GNAO1: variants seen among roughly 807,000 people sequenced by gnomAD.
The protein encoded by GNAO1 is G protein subunit alpha o1.
For missense variants in GNAO1, 166 were observed against 478.7 expected (o/e 0.35, Z 6.10); for synonymous variants, 164 against 180.7 (o/e 0.91, Z 0.74).
At chr16:56,242,015 G>C (rs1227956816) in intron 2 of GNAO1, among the ~76,000 whole-genome samples, 1 of 152,212 alleles carries the variant, frequency 6.6e-6, no homozygotes, top group African/African-American at 2.4e-5. Context: ...GTTAGGGGGT[G>C]CTGTGTCATT....
At chr16:56,213,570 C>T (rs764970032) in intron 2 of GNAO1, among the ~76,000 whole-genome samples, 2 of 152,040 alleles carry the variant, frequency 1.3e-5, no homozygotes, top group African/African-American at 2.4e-5. Flanking sequence ...GTTTTGAACT[C>T]CTGAGCTTAA....
At chr16:56,262,274 C>A (rs1375396220) in intron 2 of GNAO1, among the ~76,000 whole-genome samples, 2 of 152,190 alleles carry the variant, frequency 1.3e-5, no homozygotes. Context: ...CGCAAGGGAG[C>A]CAGGAGGAAC....
At chr16:56,194,237 G>A in intron 2 of GNAO1, 1 of 456,606 alleles carries the variant, frequency 2.2e-6, no homozygotes, top group South Asian at 1.5e-5. Flanking sequence ...TTAGCTTGGG[G>A]CTTCTCTTGA....
At chr16:56,259,555 C>T (rs2036884095) in intron 2 of GNAO1, among the ~76,000 whole-genome samples, 1 of 152,222 alleles carries the variant, frequency 6.6e-6, no homozygotes, top group Non-Finnish European at 1.5e-5. Context: ...GCAGATGTGA[C>T]TGTGATGGTG....
intron 2 of GNAO1, among the ~76,000 whole-genome samples, chr16:56,238,547 G>A (rs1337489777): frequency 1.3e-5 from 2 of 152,206 alleles, no homozygotes; most frequent in South Asian, 2.1e-4. Context: ...TCCCACTGCT[G>A]CAAGAACATT....
intron 2 of GNAO1, among the ~76,000 whole-genome samples, chr16:56,236,137 G>A (rs1469615784): frequency 6.6e-6 from 1 of 152,236 alleles, no homozygotes; most frequent in East Asian, 1.9e-4. Context: ...CTTTCCTAAA[G>A]ATGATGAACT....
chr16:56,351,799 G>A lies in GNAO1; in HGVS notation c.877+262G>A, dbSNP rs2037924099. 2 of 429,940 alleles carry A rather than the reference G, an allele frequency of 4.7e-6. No individual in the cohort carries two copies. The highest frequency in any genetic ancestry group is 8.5e-6 in the Non-Finnish European group (2 of 236,562). The allele number at this position is 429,940 out of a possible 1,614,324, so 26.6% of individuals were successfully genotyped here. On this transcript the variant is annotated intron_variant, in intron 7 of 8. Coordinates refer to ENST00000262493, the MANE Select transcript of GNAO1 (RefSeq NM_020988.3). This position sits in a 1 kb window ranked among gnomAD's most constrained non-coding sequence, Gnocchi z 6.1. ...TGACTCAGGAGTGGTGGGGAGCAGG[G>A]GGCAGGACAGGATCACAGGCTTCCC...
chr16:56,340,857 G>C, intron 6 of GNAO1: 1 of 1,614,080 alleles, frequency 6.2e-7, no homozygotes, highest in Non-Finnish European at 8.5e-7. Flanking sequence ...AATCCCTGAA[G>C]CTTTTTGACA....
At chr16:56,192,379 T>TTC in intron 1 of GNAO1, 26 bp downstream of exon 1, 14 of 1,115,808 alleles carry the variant, frequency 1.3e-5, no homozygotes, top group Admixed American at 6.4e-5. Context: ...GCTACCCCCA[T>TTC]CCCCCGACCC....
intron 6 of GNAO1, among the ~76,000 whole-genome samples, chr16:56,340,071 C>T (rs1321501710): frequency 1.3e-5 from 2 of 152,226 alleles, no homozygotes; most frequent in East Asian, 3.9e-4. Context: ...AGGAGCTAGC[C>T]AGGATGCCCT....
chr16:56,213,842 A>C (rs2036414855), intron 2 of GNAO1, among the ~76,000 whole-genome samples: 2 of 151,404 alleles, frequency 1.3e-5, no homozygotes, highest in Non-Finnish European at 2.9e-5. Flanking sequence ...ACAAAAAAAA[A>C]CTGGAACAAT....
At chr16:56,299,647 T>TG (rs1479735355) in intron 3 of GNAO1, among the ~76,000 whole-genome samples, 1 of 152,388 alleles carries the variant, frequency 6.6e-6, no homozygotes, top group Non-Finnish European at 1.5e-5. Flanking sequence ...AAAAGCCTCC[T>TG]GATCACTGAA....
chr16:56,350,890 C>T (rs1274491390), intron 6 of GNAO1, among the ~76,000 whole-genome samples: 7 of 152,308 alleles, frequency 4.6e-5, no homozygotes, highest in Admixed American at 6.5e-5. Context: ...ACTCCCCCAA[C>T]GCCCACACAC....
intron 3 of GNAO1, among the ~76,000 whole-genome samples, chr16:56,324,602 C>T (rs748609136): frequency 1.3e-5 from 2 of 152,242 alleles, no homozygotes; most frequent in Non-Finnish European, 2.9e-5. Context: ...CACCCCTGCT[C>T]ACCCACCTGC....
intron 3 of GNAO1, among the ~76,000 whole-genome samples, chr16:56,284,113 C>T (rs2037140978): frequency 6.6e-6 from 1 of 152,204 alleles, no homozygotes; most frequent in South Asian, 2.1e-4. Flanking sequence ...AAATACTTAT[C>T]ACTCAATTAC....
chr16:56,249,244 G>C (rs142497894), intron 2 of GNAO1, among the ~76,000 whole-genome samples: 94 of 152,258 alleles, frequency 6.2e-4, no homozygotes, highest in African/African-American at 2.1e-3. Context: ...TACATGGAAT[G>C]GGGGGGAACA....
At chr16:56,298,979 A>T (rs982432099) in intron 3 of GNAO1, among the ~76,000 whole-genome samples, 1 of 151,938 alleles carries the variant, frequency 6.6e-6, no homozygotes. Context: ...TGTCATGTGG[A>T]TTGGGCAGAA....
chr16:56,276,971 A>G (rs1413586099), intron 3 of GNAO1: 10 of 152,224 alleles, frequency 6.6e-5, no homozygotes, highest in East Asian at 1.9e-4. Flanking sequence ...TTGATTGTCT[A>G]TTATACACAT....
intron 2 of GNAO1, among the ~76,000 whole-genome samples, chr16:56,209,577 A>G (rs1260597803): frequency 5.3e-5 from 8 of 152,182 alleles, no homozygotes; most frequent in Non-Finnish European, 1.5e-5. Flanking sequence ...ACATCTCTAA[A>G]TCTTGAGTCT....
Sources: gnomAD v4.1 joint callset for allele counts (sites outside exome capture counted in the v4.1 genomes callset) on GRCh38, gnomAD v4.1.1 for gene constraint, Gnocchi (gnomAD v3.1) non-coding constraint, MANE v1.5 for transcripts, NCBI Gene and HGNC (gene_info 2026-07-23, HGNC 2026-07-21) for gene names.